Variants in MYO16 observed in about 807,000 individuals in gnomAD.
MYO16 encodes myosin XVI.
In MYO16, 94 loss-of-function variants were observed where a neutral mutation model predicts 205.3. That is an observed-to-expected ratio of 0.46 (90% confidence interval 0.39 to 0.54). MYO16 has a LOEUF of 0.54. Among genes scored for constraint, MYO16 ranks in the 20% least tolerant of loss-of-function variants. MYO16 has a pLI of 0.00. For missense variants in MYO16, 2,315 were observed against 2,387.5 expected (o/e 0.97, Z 0.63); for synonymous variants, 988 against 954.0 (o/e 1.04, Z -0.66).
chr13:108,772,561 G>C (rs1043998158), intron 4 of MYO16, among the ~76,000 whole-genome samples: 4 of 152,104 alleles, frequency 2.6e-5, no homozygotes, highest in African/African-American at 9.6e-5. Flanking sequence ...CAAATGCAAT[G>C]GGTGATCCTG....
At chr13:108,673,750 C>T (rs576736548) in intron 2 of MYO16, among the ~76,000 whole-genome samples, 5 of 152,034 alleles carry the variant, frequency 3.3e-5, no homozygotes, top group African/African-American at 4.8e-5. Flanking sequence ...AAATCTGTAT[C>T]GAGACTTTTT....
chr13:108,947,005 C>T (rs770713823), intron 16 of MYO16, among the ~76,000 whole-genome samples: 9 of 152,138 alleles, frequency 5.9e-5, no homozygotes, highest in South Asian at 2.1e-4. Context: ...TTACATTCAG[C>T]GCGATGTTGT....
chr13:108,577,661 T>C, the MYO16 span, among the ~76,000 whole-genome samples: 1 of 152,372 alleles, frequency 6.6e-6, no homozygotes, highest in Admixed American at 6.5e-5. Flanking sequence ...TAGTGTTTTC[T>C]CTCCATCACT....
intron 13 of MYO16, among the ~76,000 whole-genome samples, chr13:108,887,865 G>A (rs1373981699): frequency 6.6e-6 from 1 of 151,968 alleles, no homozygotes; most frequent in African/African-American, 2.4e-5. Flanking sequence ...CACAGAAGAG[G>A]TAACGTCTCT....
the MYO16 span, among the ~76,000 whole-genome samples, chr13:108,528,552 C>G: frequency 8.9e-3 from 1,124 of 126,286 alleles, 16 homozygotes; most frequent in African/African-American, 0.044. Context: ...TTTGTCTCTC[C>G]TCTCCTCTCC....
chr13:108,637,962 T>G (rs1880333657), intron 1 of MYO16, among the ~76,000 whole-genome samples: 1 of 152,042 alleles, frequency 6.6e-6, no homozygotes, highest in Non-Finnish European at 1.5e-5. Context: ...TACCAGTGTG[T>G]GAGACAGAGT....
At chr13:109,014,903 T>A (rs1048184594) in intron 22 of MYO16, among the ~76,000 whole-genome samples, 3 of 152,228 alleles carry the variant, frequency 2.0e-5, no homozygotes, top group African/African-American at 7.2e-5. Context: ...TCATGTCATC[T>A]GCAAACAGGG....
the MYO16 span, among the ~76,000 whole-genome samples, chr13:108,522,393 C>T: frequency 1.1e-4 from 16 of 152,150 alleles, no homozygotes; most frequent in South Asian, 8.3e-4. Context: ...TGTATTTCAG[C>T]GAAGAGTCCA....
chr13:109,173,662 G>A (rs1252558599), intron 33 of MYO16, among the ~76,000 whole-genome samples: 2 of 152,094 alleles, frequency 1.3e-5, no homozygotes, highest in African/African-American at 2.4e-5. Flanking sequence ...TTGGGAGGCT[G>A]AGGCAGGCGG....
At chr13:108,665,841 G>T (rs1421468945) in intron 1 of MYO16, 45 bp from the exon 2 acceptor site, 7 of 1,582,076 alleles carry the variant, frequency 4.4e-6, no homozygotes, top group Non-Finnish European at 6.0e-6. Flanking sequence ...ACTTATAGTG[G>T]TTATAATAAT....
At position 108,749,040 on chromosome 13, in the gene MYO16, T is replaced by C. The variant is rs545643155; in HGVS notation, c.507+21457T>C. On this transcript the variant is annotated intron_variant, in intron 4 of 34. Coordinates refer to ENST00000457511, the MANE Select transcript of MYO16 (RefSeq NM_001198950.3). The stretch of plus-strand genomic sequence containing the variant: ...CTTTTTTCAGTTTGGCAGGGTTTTT[T>C]TGACATCTAAAATTGTATATATTTA... Among the ~76,000 whole-genome samples, 8 of 152,252 alleles carry C rather than the reference T, an allele frequency of 5.3e-5. No individual in the cohort carries two copies. The South Asian group carries it at 1.2e-3, about 24-fold the overall frequency.
chr13:108,927,685 C>T (rs948760498), intron 16 of MYO16, among the ~76,000 whole-genome samples: 5 of 152,224 alleles, frequency 3.3e-5, no homozygotes, highest in African/African-American at 7.2e-5. Flanking sequence ...AAATGCCAAG[C>T]GGACGGACAG....
intron 20 of MYO16, among the ~76,000 whole-genome samples, chr13:108,980,039 C>T (rs922282855): frequency 6.6e-6 from 1 of 151,822 alleles, no homozygotes; most frequent in African/African-American, 2.4e-5. Flanking sequence ...ATGTATTTTG[C>T]CTTAAGTACA....
intron 24 of MYO16, 50 bp from the exon 25 acceptor site, chr13:109,052,250 T>C: frequency 6.7e-7 from 1 of 1,493,830 alleles, no homozygotes; most frequent in East Asian, 2.3e-5. Context: ...GTTCAATGCT[T>C]AAGTAATAAT....
At position 108,710,976 on chromosome 13, in the gene MYO16, A is replaced by G. The variant is rs371721641; in HGVS notation, c.293-1685A>G. ...ATCTGAGGAAACCATTGGCAAATGT[A>G]TGAAATGAACTTTCTATTCTCATGA... On this transcript the variant is annotated intron_variant, in intron 2 of 34. Coordinates refer to ENST00000457511, the MANE Select transcript of MYO16 (RefSeq NM_001198950.3). Among the ~76,000 whole-genome samples, 130 of 152,374 alleles carry G rather than the reference A, an allele frequency of 8.5e-4. No homozygotes were observed. In the Middle Eastern group the frequency reaches 0.01, roughly 12 times the overall value.
At chr13:109,000,393 A>G (rs907397858) in intron 21 of MYO16, among the ~76,000 whole-genome samples, 5 of 152,226 alleles carry the variant, frequency 3.3e-5, no homozygotes, top group African/African-American at 1.2e-4. Context: ...GTGGGAATTC[A>G]GAGGCAGATG....
At chr13:108,689,064 CA>C in intron 2 of MYO16, among the ~76,000 whole-genome samples, 1 of 152,220 alleles carries the variant, frequency 6.6e-6, no homozygotes, top group Non-Finnish European at 1.5e-5. Context: ...ATAATTATTA[CA>C]AGGAAGAAGA....
chr13:108,519,086 G>T, the MYO16 span, among the ~76,000 whole-genome samples: 1 of 152,102 alleles, frequency 6.6e-6, no homozygotes, highest in Admixed American at 6.5e-5. Flanking sequence ...AAAAGAAATT[G>T]TATTATGTGG....
At chr13:108,697,189 A>C (rs990679613) in intron 2 of MYO16, among the ~76,000 whole-genome samples, 13 of 152,218 alleles carry the variant, frequency 8.5e-5, no homozygotes, top group Non-Finnish European at 1.3e-4. Context: ...ATAAAAGAAA[A>C]GTAAACCAGA....
Sources: gnomAD v4.1 joint callset for allele counts (sites outside exome capture counted in the v4.1 genomes callset) on GRCh38, gnomAD v4.1.1 for gene constraint, MANE v1.5 for transcripts, NCBI Gene and HGNC (gene_info 2026-07-23, HGNC 2026-07-21) for gene names.